MAGI2: variants seen among roughly 807,000 people sequenced by gnomAD.
The protein encoded by MAGI2 is membrane associated guanylate kinase, WW and PDZ domain containing 2, also known as membrane-associated guanylate kinase, WW and PDZ domain-containing protein 2.
In MAGI2, 35 loss-of-function variants were observed where a neutral mutation model predicts 133.3. The observed-to-expected ratio is 0.26, with a 90% confidence interval of 0.20 to 0.35. MAGI2 has a LOEUF of 0.35. Among genes scored for constraint, MAGI2 ranks in the 10% least tolerant of loss-of-function variants. MAGI2 has a pLI of 1.00. For missense variants in MAGI2, 1,636 were observed against 1,863.4 expected (o/e 0.88, Z 2.25); for synonymous variants, 729 against 710.6 (o/e 1.03, Z -0.41).
chr7:79,377,114 C>T (rs1003224599), intron 1 of MAGI2, among the ~76,000 whole-genome samples: 3 of 151,780 alleles, frequency 2.0e-5, no homozygotes, highest in Non-Finnish European at 4.4e-5. Context: ...CATAAAAGTA[C>T]ACTTCTTCAT....
intron 10 of MAGI2, among the ~76,000 whole-genome samples, chr7:78,243,641 T>C (rs1791427838): frequency 6.6e-6 from 1 of 152,164 alleles, no homozygotes; most frequent in Admixed American, 6.5e-5. Context: ...AGATGTGTAT[T>C]ATCCATACTA....
intron 1 of MAGI2, among the ~76,000 whole-genome samples, chr7:79,038,782 AGCCTT>A (rs1414985991): frequency 6.6e-6 from 1 of 152,184 alleles, no homozygotes; most frequent in African/African-American, 2.4e-5. Context: ...GCTGTAATGC[AGCCTT>A]GCCTGCATTG....
chr7:78,162,839 CAT>C (rs1439848670), intron 15 of MAGI2, among the ~76,000 whole-genome samples: 1 of 152,166 alleles, frequency 6.6e-6, no homozygotes, highest in Non-Finnish European at 1.5e-5. Context: ...AAACTGGTCA[CAT>C]GATTGTCTTT....
chr7:78,690,868 G>A (rs1816883375), intron 2 of MAGI2, among the ~76,000 whole-genome samples: 1 of 152,160 alleles, frequency 6.6e-6, no homozygotes, highest in African/African-American at 2.4e-5. Flanking sequence ...GTAAAAAATG[G>A]TATCAGAATT....
chr7:78,201,256 A>AGT, intron 10 of MAGI2, 63 bp from the exon 11 acceptor site: 17 of 766,940 alleles, frequency 2.2e-5, no homozygotes, highest in Non-Finnish European at 3.5e-5. Context: ...TATGGGTGGC[A>AGT]CGATATTAAG....
intron 1 of MAGI2, among the ~76,000 whole-genome samples, chr7:79,043,620 T>C (rs1186968147): frequency 6.6e-6 from 1 of 150,684 alleles, no homozygotes; most frequent in African/African-American, 2.4e-5. Flanking sequence ...AGTTGGTCTT[T>C]GAAAGAATAA....
chr7:78,352,469 A>C (rs535026928), intron 7 of MAGI2, among the ~76,000 whole-genome samples: 1 of 152,300 alleles, frequency 6.6e-6, no homozygotes, highest in South Asian at 2.1e-4. Context: ...ATTTCTTCCC[A>C]ATTCTAACAC....
At chr7:79,194,665 A>G (rs2129551441) in intron 1 of MAGI2, among the ~76,000 whole-genome samples, 1 of 152,100 alleles carries the variant, frequency 6.6e-6, no homozygotes, top group Admixed American at 6.5e-5. Flanking sequence ...ATAATAAAAA[A>G]GTAAGCATTT....
intron 1 of MAGI2, among the ~76,000 whole-genome samples, chr7:79,190,871 A>G (rs1202685098): frequency 1.3e-5 from 2 of 151,866 alleles, no homozygotes; most frequent in East Asian, 3.9e-4. Context: ...TTTGATGTAT[A>G]CAGGAGATGT....
intron 2 of MAGI2, among the ~76,000 whole-genome samples, chr7:78,813,801 A>C (rs984837036): frequency 4.6e-5 from 7 of 151,288 alleles, no homozygotes; most frequent in Non-Finnish European, 1.0e-4. Context: ...AAAAAAAAAA[A>C]AAACACAAAA....
At chr7:79,367,732 T>C (rs1016197654) in intron 1 of MAGI2, among the ~76,000 whole-genome samples, 1 of 151,710 alleles carries the variant, frequency 6.6e-6, no homozygotes, top group African/African-American at 2.4e-5. Context: ...GTAGGTTTTT[T>C]ATACCAATTT....
At chr7:78,547,223 C>G (rs918398717) in intron 3 of MAGI2, among the ~76,000 whole-genome samples, 3 of 152,238 alleles carry the variant, frequency 2.0e-5, no homozygotes, top group Admixed American at 2.0e-4. Context: ...TAAATGTGAA[C>G]TATACATACA....
At chr7:78,657,576 T>A (rs1812441381) in intron 2 of MAGI2, among the ~76,000 whole-genome samples, 1 of 152,176 alleles carries the variant, frequency 6.6e-6, no homozygotes, top group South Asian at 2.1e-4. Context: ...CTACATACTG[T>A]ATGATTCCAA....
chr7:79,333,261 G>A (rs80095055), intron 1 of MAGI2, among the ~76,000 whole-genome samples: 2,443 of 152,108 alleles, frequency 0.016, 54 homozygotes, highest in African/African-American at 0.057. Flanking sequence ...ATGAGTAGCC[G>A]GGATTACAGG....
chr7:78,139,665 G>A (rs1251205413), intron 16 of MAGI2, among the ~76,000 whole-genome samples: 1 of 152,202 alleles, frequency 6.6e-6, no homozygotes, highest in Non-Finnish European at 1.5e-5. Flanking sequence ...TGGATCAGTC[G>A]TCTTGACACA....
At chr7:79,022,406 C>A (rs1809423401) in intron 1 of MAGI2, among the ~76,000 whole-genome samples, 1 of 151,930 alleles carries the variant, frequency 6.6e-6, no homozygotes, top group African/African-American at 2.4e-5. Flanking sequence ...TAGTGCTAAA[C>A]ACCCATATAA....
chr7:78,673,395 A>G (rs1257016424), intron 2 of MAGI2, among the ~76,000 whole-genome samples: 2 of 152,046 alleles, frequency 1.3e-5, no homozygotes, highest in East Asian at 3.9e-4. Context: ...CAAGATCTGC[A>G]GTCAGCAAGC....
rs891565590 is a variant in MAGI2, at chr7:78,019,604, G to T, written c.4079C>A (p.Ala1360Glu). The T allele has an allele frequency of 3.1e-6, 3 of 981,642 alleles. No homozygotes were observed. The highest frequency in any genetic ancestry group is 2.4e-6 in the Non-Finnish European group (2 of 829,104). The allele number at this position is 981,642 out of a possible 1,614,324, so 60.8% of individuals were successfully genotyped here. ...PGLAAADAAD[A>E]ARAGGKEAPR... ...CGCCTCCTTCCCGCCCGCCCGCGCC[G>T]CGTCCGCCGCGTCTGCCGCCGCGAG... Residue 1360 changes from alanine (A) to glutamate (E), a missense_variant, in exon 22 of 22, where the codon GCG (alanine) becomes GAG (glutamate). Around this residue, in one of 5 missense-constraint regions of MAGI2, gnomAD observed 354 missense variants for 298.7 expected, o/e 1.19. Transcript: ENST00000354212.
At chr7:79,440,830 T>C (rs1848447568) in intron 1 of MAGI2, among the ~76,000 whole-genome samples, 2 of 152,196 alleles carry the variant, frequency 1.3e-5, no homozygotes, top group Non-Finnish European at 2.9e-5. Flanking sequence ...ATTTCAGCAG[T>C]TCTTTAAGGA....
Sources: allele counts gnomAD v4.1 joint callset (sites outside exome capture counted in the v4.1 genomes callset), GRCh38; gene constraint gnomAD v4.1.1; regional missense constraint gnomAD v4.1.1; transcripts MANE v1.5; gene names NCBI Gene and HGNC (gene_info 2026-07-23, HGNC 2026-07-21).